ADORA2B: variants seen among roughly 807,000 people sequenced by gnomAD.
ADORA2B encodes adenosine A2b receptor.
Under a neutral mutation model 20.8 loss-of-function variants are expected in ADORA2B, and 18 were observed. The ratio of observed to expected loss-of-function variants is 0.87; its 90% CI spans 0.60 to 1.29. The LOEUF (loss-of-function observed/expected upper bound fraction) is 1.29, where lower values mean the gene tolerates loss of function less well. Ranked by LOEUF, ADORA2B falls within the 50% of genes most tolerant of loss-of-function variation. The pLI is 0.00. For synonymous variants in ADORA2B, 179 were observed against 178.3 expected, an observed-to-expected ratio of 1.00 and a Z score of -0.03; for missense variants, 441 against 422.7, an observed-to-expected ratio of 1.04 and a Z score of -0.38.
the ADORA2B span, among the ~76,000 whole-genome samples, chr17:15,925,111 C>T: frequency 1.3e-5 from 2 of 152,204 alleles, no homozygotes; most frequent in Non-Finnish European, 2.9e-5. Context: ...TCTTGGCTCA[C>T]AGCAACCTCC....
At chr17:15,961,995 C>T (rs1039513438) in intron 1 of ADORA2B, among the ~76,000 whole-genome samples, 1 of 152,116 alleles carries the variant, frequency 6.6e-6, no homozygotes, top group Admixed American at 6.5e-5. Flanking sequence ...ACAGCAACCA[C>T]GGTGATTATA....
chr17:15,904,536 C>T, the ADORA2B span, among the ~76,000 whole-genome samples: 2 of 151,928 alleles, frequency 1.3e-5, no homozygotes, highest in South Asian at 2.1e-4. Flanking sequence ...TACAGGCACC[C>T]GCCACCACGC....
At chr17:15,937,652 AACCTCT>A in the ADORA2B span, among the ~76,000 whole-genome samples, 8 of 151,700 alleles carry the variant, frequency 5.3e-5, no homozygotes, top group East Asian at 5.8e-4. Context: ...GGCTCACTGC[AACCTCT>A]ACCTCCCAGG....
At chr17:15,930,390 A>G in the ADORA2B span, among the ~76,000 whole-genome samples, 4 of 150,156 alleles carry the variant, frequency 2.7e-5, no homozygotes, top group Non-Finnish European at 5.9e-5. Flanking sequence ...TCCGCCTCCC[A>G]GGCTCAAGCA....
At chr17:15,974,351 C>T (rs1970221611) in intron 1 of ADORA2B, 1 of 246,704 alleles carries the variant, frequency 4.1e-6, no homozygotes, top group Non-Finnish European at 7.8e-6. Flanking sequence ...ATGACATATA[C>T]TTCAAGTCAC....
the ADORA2B span, among the ~76,000 whole-genome samples, chr17:15,886,243 G>GTATTTATTTATTTATTTATTTATTTATTT: frequency 5.3e-5 from 7 of 132,870 alleles, no homozygotes; most frequent in East Asian, 2.0e-4. Flanking sequence ...GAATCTTGTA[G>GTATTTATTTATTTATTTATTTATTTATTT]TGGCTCGCCC....
chr17:15,931,761 T>G, the ADORA2B span, among the ~76,000 whole-genome samples: 2 of 152,040 alleles, frequency 1.3e-5, no homozygotes, highest in Non-Finnish European at 2.9e-5. Context: ...TGAGATAGGG[T>G]CTCACTGTTA....
the ADORA2B span, among the ~76,000 whole-genome samples, chr17:15,925,854 C>G: frequency 4.6e-5 from 7 of 151,906 alleles, no homozygotes; most frequent in Middle Eastern, 3.2e-3. Context: ...GCCTATAATC[C>G]CACCTACTCA....
chr17:15,881,247 G>A, the ADORA2B span, among the ~76,000 whole-genome samples: 1 of 152,022 alleles, frequency 6.6e-6, no homozygotes, highest in Non-Finnish European at 1.5e-5. Context: ...GACTACGGGC[G>A]TGCACCACCA....
the ADORA2B span, among the ~76,000 whole-genome samples, chr17:15,903,875 T>C: frequency 2.0e-5 from 3 of 152,186 alleles, no homozygotes; most frequent in African/African-American, 4.8e-5. Flanking sequence ...TTCATTGGTA[T>C]TTCCCTACTT....
the ADORA2B span, among the ~76,000 whole-genome samples, chr17:15,922,462 C>T: frequency 4.6e-5 from 7 of 152,268 alleles, no homozygotes; most frequent in African/African-American, 1.7e-4. Flanking sequence ...CATCAATTAT[C>T]TAGTCCCCTA....
rs1275075394 is a variant in ADORA2B, at chr17:15,975,700, A to AACTT, written c.*360_*363dup. The AACTT allele has an allele frequency of 5.2e-6, 1 of 190,824 alleles. No individual in the cohort carries two copies. The highest frequency in any genetic ancestry group is 2.3e-5 in the African/African-American group (1 of 42,710). The allele number at this position is 190,824 out of a possible 1,614,324, so 11.8% of individuals were successfully genotyped here. A position where few individuals can be genotyped will look rare whatever the true frequency, so the allele number is the denominator to read the frequency against. ...AACTATTATAATGCAAATACTTTTTAACTTAGAGGCAATGGAAAAATAAAA... is the reference window on the plus strand; with the variant it reads ...AACTATTATAATGCAAATACTTTTTAACTTACTTAGAGGCAATGGAAAAATAAAA... On this transcript the variant is annotated 3_prime_UTR_variant, in exon 2 of 2. Transcript: ENST00000304222.
chr17:15,931,775 A>T, the ADORA2B span, among the ~76,000 whole-genome samples: 1 of 152,106 alleles, frequency 6.6e-6, no homozygotes, highest in African/African-American at 2.4e-5. Flanking sequence ...ACTGTTACCC[A>T]GGCTGGAGTG....
intron 1 of ADORA2B, among the ~76,000 whole-genome samples, chr17:15,946,557 A>G (rs558446636): frequency 6.6e-6 from 1 of 152,348 alleles, no homozygotes; most frequent in South Asian, 2.1e-4. Flanking sequence ...AGACAGGGAA[A>G]CTAAATCACA....
chr17:15,931,833 G>A, the ADORA2B span, among the ~76,000 whole-genome samples: 1 of 152,100 alleles, frequency 6.6e-6, no homozygotes, highest in Non-Finnish European at 1.5e-5. Context: ...CCGGGTTCAA[G>A]CCATTCTCGT....
the ADORA2B span, among the ~76,000 whole-genome samples, chr17:15,928,722 T>C: frequency 6.6e-6 from 1 of 151,860 alleles, no homozygotes; most frequent in African/African-American, 2.4e-5. Flanking sequence ...GGAAAGAGCG[T>C]TGTGGAGGAA....
In ADORA2B at chr17:15,975,582, C is replaced by T; in HGVS notation, c.*240C>T. ...TTTACTGTGTGGATTATGCCAACAG[C>T]TTGAATGGATTCTAACAGACTCTTT... On this transcript the variant is annotated 3_prime_UTR_variant, in exon 2 of 2. Coordinates refer to ENST00000304222, the MANE Select transcript of ADORA2B (RefSeq NM_000676.4). The T allele has an allele frequency of 1.9e-6, 1 of 518,288 alleles. No individual in the cohort carries two copies. The highest frequency in any genetic ancestry group is 2.9e-5 in the South Asian group (1 of 33,986). The allele number at this position is 518,288 out of a possible 1,614,324, so 32.1% of individuals were successfully genotyped here.
chr17:15,904,391 CTTTT>C, the ADORA2B span, among the ~76,000 whole-genome samples: 3 of 126,424 alleles, frequency 2.4e-5, no homozygotes, highest in African/African-American at 9.6e-5. Flanking sequence ...TGTACTTCTG[CTTTT>C]TTTTTTTTTT....
At chr17:15,885,778 GTTTA>G in the ADORA2B span, among the ~76,000 whole-genome samples, 1 of 151,900 alleles carries the variant, frequency 6.6e-6, no homozygotes, top group Non-Finnish European at 1.5e-5. Flanking sequence ...TTTCATAACT[GTTTA>G]TTTCAGAACC....
Sources: allele counts gnomAD v4.1 joint callset (sites outside exome capture counted in the v4.1 genomes callset), GRCh38; gene constraint gnomAD v4.1.1; transcripts MANE v1.5; gene names NCBI Gene and HGNC (gene_info 2026-07-23, HGNC 2026-07-21).